Variants in DNM3 observed in about 807,000 individuals in gnomAD.
DNM3 encodes the protein dynamin 3.
DNM3 carries 47 observed loss-of-function variants against 101.6 expected under a neutral mutation model. That is an observed-to-expected ratio of 0.46 (90% CI 0.37 to 0.59). The LOEUF is 0.59. DNM3 is among the 20% of genes least tolerant of loss of function. DNM3 has a pLI of 0.00. For missense variants in DNM3, 849 were observed against 1,085.7 expected (o/e 0.78, Z 3.06); for synonymous variants, 385 against 387.9 (o/e 0.99, Z 0.09).
chr1:172,149,764 T>C (rs562356498), intron 14 of DNM3, among the ~76,000 whole-genome samples: 2 of 152,226 alleles, frequency 1.3e-5, no homozygotes, highest in South Asian at 2.1e-4. Context: ...AAAATGAATA[T>C]GCATGATATC....
At chr1:171,874,485 A>G (rs1035213558) in intron 1 of DNM3, among the ~76,000 whole-genome samples, 3 of 152,194 alleles carry the variant, frequency 2.0e-5, no homozygotes, top group Non-Finnish European at 4.4e-5. Flanking sequence ...GTGACAAAGT[A>G]TCCAGTGGTA....
intron 14 of DNM3, among the ~76,000 whole-genome samples, chr1:172,203,718 C>A (rs185766755): frequency 4.7e-4 from 71 of 152,142 alleles, no homozygotes; most frequent in Middle Eastern, 3.4e-3. Context: ...TAATGTTTAG[C>A]CTTGTTTTCT....
intron 14 of DNM3, among the ~76,000 whole-genome samples, chr1:172,156,164 G>A (rs2058330084): frequency 6.6e-6 from 1 of 152,102 alleles, no homozygotes; most frequent in South Asian, 2.1e-4. Flanking sequence ...TTAGCTTCAG[G>A]GATGATTTCC....
intron 13 of DNM3, among the ~76,000 whole-genome samples, chr1:172,102,582 A>G (rs2054727498): frequency 6.6e-6 from 1 of 152,162 alleles, no homozygotes; most frequent in South Asian, 2.1e-4. Context: ...TATCTTATCT[A>G]CTCAAAATTA....
In DNM3 at chr1:171,966,785, C is replaced by G. The variant is rs555045924; in HGVS notation, c.236-20871C>G. Among the ~76,000 whole-genome samples the G allele has an allele frequency of 2.0e-5, 3 of 152,268 alleles. No homozygotes were observed. In the South Asian group the frequency reaches 6.2e-4, roughly 32 times the overall value. ...AGCATTAAAATGAGGTGGAATTTGG[C>G]TCTTTAAATCAAAGGGCAAACTATA... On this transcript the variant is annotated intron_variant, in intron 2 of 20. Transcript: ENST00000627582.
intron 17 of DNM3, among the ~76,000 whole-genome samples, chr1:172,355,333 A>G (rs187042776): frequency 6.6e-6 from 1 of 152,320 alleles, no homozygotes; most frequent in East Asian, 1.9e-4. Flanking sequence ...ATTTAAAGAA[A>G]TAAAAGAGCA....
At chr1:171,929,185 A>C (rs1050614985) in intron 2 of DNM3, among the ~76,000 whole-genome samples, 280 of 151,974 alleles carry the variant, frequency 1.8e-3, no homozygotes, top group African/African-American at 6.3e-3. Context: ...GAAGGCTAGA[A>C]TGGTTATGTT....
chr1:172,181,081 C>T (rs1405269039), intron 14 of DNM3, among the ~76,000 whole-genome samples: 2 of 152,046 alleles, frequency 1.3e-5, no homozygotes, highest in East Asian at 3.9e-4. Flanking sequence ...GAGGCCTACA[C>T]ATCAGGGCAG....
intron 17 of DNM3, among the ~76,000 whole-genome samples, chr1:172,329,464 A>C (rs971976761): frequency 1.3e-5 from 2 of 152,168 alleles, no homozygotes; most frequent in Non-Finnish European, 2.9e-5. Context: ...ACAAAGAGAA[A>C]AATTAATTTG....
intron 2 of DNM3, among the ~76,000 whole-genome samples, chr1:171,933,858 C>T (rs1009376903): frequency 2.0e-5 from 3 of 152,140 alleles, no homozygotes; most frequent in Non-Finnish European, 4.4e-5. Context: ...GACGCCTCCT[C>T]TATTGCAACC....
chr1:172,339,678 G>A (rs889788851), intron 17 of DNM3, among the ~76,000 whole-genome samples: 2 of 152,230 alleles, frequency 1.3e-5, no homozygotes, highest in Admixed American at 6.5e-5. Context: ...CAAGCCCACC[G>A]TCTTTCATAT....
chr1:172,344,271 T>C (rs949280029), intron 17 of DNM3, among the ~76,000 whole-genome samples: 8 of 152,198 alleles, frequency 5.3e-5, no homozygotes, highest in Non-Finnish European at 1.5e-5. Flanking sequence ...ATTGCAACCA[T>C]ATTTTGCCAA....
intron 7 of DNM3, among the ~76,000 whole-genome samples, chr1:172,039,464 T>C (rs2049208306): frequency 6.6e-6 from 1 of 152,128 alleles, no homozygotes; most frequent in African/African-American, 2.4e-5. Context: ...AAAGAGTTTT[T>C]TTTTTTTCAG....
At chr1:172,139,339 T>A (rs1026288512) in intron 14 of DNM3, 1 of 161,918 alleles carries the variant, frequency 6.2e-6, no homozygotes, top group Admixed American at 6.1e-5. Flanking sequence ...ATAAGTACCA[T>A]AACCTTGTCC....
At chr1:172,131,037 A>G in intron 13 of DNM3, 138 bp from the exon 14 acceptor site, 1 of 716,406 alleles carries the variant, frequency 1.4e-6, no homozygotes, top group Non-Finnish European at 2.4e-6. Flanking sequence ...TGAATAACTC[A>G]ATGGAAGTTG....
chr1:171,982,345 CA>C (rs751228002), intron 2 of DNM3, among the ~76,000 whole-genome samples: 1 of 152,130 alleles, frequency 6.6e-6, no homozygotes, highest in Non-Finnish European at 1.5e-5. Context: ...CTACAATTAT[CA>C]TCATAGAGAC....
At chr1:172,313,948 C>T (rs1196347823) in intron 16 of DNM3, among the ~76,000 whole-genome samples, 1 of 148,744 alleles carries the variant, frequency 6.7e-6, no homozygotes, top group Admixed American at 6.8e-5. Flanking sequence ...CCTCCCCTAG[C>T]CCCCTACCCC....
intron 4 of DNM3, among the ~76,000 whole-genome samples, chr1:172,004,087 G>T (rs1260119762): frequency 6.6e-6 from 1 of 151,902 alleles, no homozygotes; most frequent in Non-Finnish European, 1.5e-5. Flanking sequence ...TGAGGATATT[G>T]GCAAAATAAT....
intron 4 of DNM3, among the ~76,000 whole-genome samples, chr1:171,999,602 G>A (rs1043875542): frequency 4.6e-5 from 7 of 152,068 alleles, no homozygotes; most frequent in Admixed American, 6.6e-5. Flanking sequence ...ACCCCTCCAA[G>A]AAAGATATAT....
Sources: allele counts gnomAD v4.1 joint callset (sites outside exome capture counted in the v4.1 genomes callset), GRCh38; gene constraint gnomAD v4.1.1; transcripts MANE v1.5; gene names NCBI Gene and HGNC (gene_info 2026-07-23, HGNC 2026-07-21).